The following STXBP5 variants were observed in gnomAD, a reference collection of about 807,000 sequenced individuals.
The protein encoded by STXBP5 is syntaxin binding protein 5.
In STXBP5, 50 loss-of-function variants were observed where a neutral mutation model predicts 152.4. That is an observed-to-expected ratio of 0.33 (90% CI 0.26 to 0.42). STXBP5 has a LOEUF of 0.42. STXBP5 is among the 10% of genes least tolerant of loss of function. The pLI is 1.00. For missense variants in STXBP5, 1,167 were observed against 1,388.6 expected (o/e 0.84, Z 2.54); for synonymous variants, 492 against 494.7 (o/e 0.99, Z 0.07).
chr6:147,331,978 G>A (rs1305005068), intron 18 of STXBP5, among the ~76,000 whole-genome samples: 1 of 152,116 alleles, frequency 6.6e-6, no homozygotes, highest in Non-Finnish European at 1.5e-5. Context: ...GCTGCTGTTA[G>A]GGTTAAATGA....
intron 9 of STXBP5, among the ~76,000 whole-genome samples, chr6:147,304,493 G>T (rs1781989850): frequency 6.6e-6 from 1 of 152,182 alleles, no homozygotes; most frequent in Non-Finnish European, 1.5e-5. Context: ...CTAGGGCAGT[G>T]TGGATGGGAA....
chr6:147,368,491 G>T (rs1315153215), intron 25 of STXBP5, among the ~76,000 whole-genome samples: 1 of 152,104 alleles, frequency 6.6e-6, no homozygotes, highest in Non-Finnish European at 1.5e-5. Flanking sequence ...TAAAGGACAT[G>T]TAAGAAAAAC....
rs576063483 is a variant in STXBP5 at position 147,304,073 on chromosome 6, C to T, written c.918-6011C>T. On this transcript the variant is annotated intron_variant, in intron 9 of 27. Transcript: ENST00000321680. ...AATTCAAACCTGCTGCAGAAATTAG[C>T]GTAAGTAATGAGGAGCTGAATGTTA... 7.2e-5 allele frequency among the ~76,000 whole-genome samples: 11 copies of T among 152,246 alleles called. No homozygotes were observed. The South Asian group carries it at 1.7e-3, about 23-fold the overall frequency.
At chr6:147,353,992 GA>G (rs1336931919) in intron 22 of STXBP5, among the ~76,000 whole-genome samples, 1 of 152,048 alleles carries the variant, frequency 6.6e-6, no homozygotes, top group East Asian at 1.9e-4. Context: ...ATAAAAGTAA[GA>G]TTTCATGTAA....
rs1025280015 is a variant in STXBP5, at chr6:147,211,036, G to C, written c.248+4968G>C. Among the ~76,000 whole-genome samples, 8 of 152,282 alleles carry C rather than the reference G, an allele frequency of 5.3e-5. No individual in the cohort carries two copies. The South Asian group carries it at 6.2e-4, about 12-fold the overall frequency. On this transcript the variant is annotated intron_variant, in intron 2 of 27. Coordinates refer to ENST00000321680, the MANE Select transcript of STXBP5 (RefSeq NM_001127715.4). Reference sequence around the variant, plus strand: ...TTTTTAAAATGGTTGTGTTCAGCCTGGCACAGAGGCTCACGCCTGTAATCC... The same window carrying C: ...TTTTTAAAATGGTTGTGTTCAGCCTCGCACAGAGGCTCACGCCTGTAATCC...
intron 27 of STXBP5, among the ~76,000 whole-genome samples, chr6:147,383,332 T>TA (rs1477771106): frequency 6.6e-6 from 1 of 152,142 alleles, no homozygotes; most frequent in African/African-American, 2.4e-5. Context: ...TACCACTTTG[T>TA]CCTAGAAAAA....
intron 18 of STXBP5, among the ~76,000 whole-genome samples, chr6:147,331,137 T>C (rs1311581521): frequency 6.6e-6 from 1 of 152,176 alleles, no homozygotes; most frequent in African/African-American, 2.4e-5. Flanking sequence ...TAGGATTATG[T>C]TTTGTTGAAT....
intron 1 of STXBP5, among the ~76,000 whole-genome samples, chr6:147,205,383 T>C (rs1212411185): frequency 2.0e-5 from 3 of 150,516 alleles, no homozygotes; most frequent in East Asian, 1.9e-4. Context: ...TATATATATA[T>C]ATATATATAT....
At chr6:147,273,198 A>AAAAAAAAAAAAAAG (rs2128338690) in intron 7 of STXBP5, among the ~76,000 whole-genome samples, 1 of 151,110 alleles carries the variant, frequency 6.6e-6, no homozygotes, top group East Asian at 2.0e-4. Context: ...AAAAAAGTAA[A>AAAAAAAAAAAAAAG]AAAAAAAAAA....
chr6:147,300,704 G>A (rs567193165), intron 9 of STXBP5, among the ~76,000 whole-genome samples: 9 of 152,040 alleles, frequency 5.9e-5, no homozygotes, highest in Non-Finnish European at 1.2e-4. Flanking sequence ...TGAAACTACT[G>A]GAAGAATACA....
chr6:147,249,253 TAA>T (rs112169490), intron 4 of STXBP5, among the ~76,000 whole-genome samples: 1 of 143,354 alleles, frequency 7.0e-6, no homozygotes, highest in Non-Finnish European at 1.5e-5. Context: ...ACAAAATCAG[TAA>T]AAAAAAAAAA....
At position 147,385,434 on chromosome 6, in the gene STXBP5, AC is replaced by A. The variant is rs1423475854; in HGVS notation, c.*680del. On this transcript the variant is annotated 3_prime_UTR_variant, in exon 28 of 28. Coordinates refer to ENST00000321680, the MANE Select transcript of STXBP5 (RefSeq NM_001127715.4). The stretch of plus-strand genomic sequence containing the variant: ...TTTGTCAAAAGCAAAACAAGAAGAT[AC>A]ATCACTTTTCATTGAAAAGAAAAGT... 2 of 152,154 alleles carry A rather than the reference AC, an allele frequency of 1.3e-5. No homozygotes were observed. Among genetic ancestry groups the A allele is most frequent in the Non-Finnish European group, 2.9e-5 (2 of 68,012 alleles). 9.4% of individuals were successfully genotyped at this position (152,154 alleles called of 1,614,324 possible).
chr6:147,365,210 T>C (rs1240860637), intron 25 of STXBP5, among the ~76,000 whole-genome samples: 1 of 152,130 alleles, frequency 6.6e-6, no homozygotes, highest in African/African-American at 2.4e-5. Flanking sequence ...ACTTTGAGAG[T>C]AAAACAAAAT....
At chr6:147,344,066 G>T (rs529632174) in intron 21 of STXBP5, among the ~76,000 whole-genome samples, 1 of 152,236 alleles carries the variant, frequency 6.6e-6, no homozygotes, top group African/African-American at 2.4e-5. Flanking sequence ...TATTATATGA[G>T]TCTGAGTACT....
chr6:147,277,424 T>TA (rs1335429985), intron 7 of STXBP5, among the ~76,000 whole-genome samples: 1 of 152,082 alleles, frequency 6.6e-6, no homozygotes, highest in Non-Finnish European at 1.5e-5. Context: ...AAGTTTTTTT[T>TA]ACATACCAAA....
intron 14 of STXBP5, 55 bp downstream of exon 14, chr6:147,314,691 T>A: frequency 7.5e-7 from 1 of 1,330,840 alleles, no homozygotes; most frequent in Non-Finnish European, 1.0e-6. Context: ...ACTGCTTTTA[T>A]GCATCCTGTT....
chr6:147,333,439 G>A (rs1356152203), intron 18 of STXBP5, among the ~76,000 whole-genome samples: 6 of 152,106 alleles, frequency 3.9e-5, no homozygotes, highest in Admixed American at 6.6e-5. Context: ...CAGGAGAATC[G>A]CTTGAACCCA....
intron 9 of STXBP5, among the ~76,000 whole-genome samples, chr6:147,302,317 G>C (rs952863723): frequency 6.6e-6 from 1 of 152,104 alleles, no homozygotes; most frequent in African/African-American, 2.4e-5. Flanking sequence ...AGGAGATTCT[G>C]AACAGGCACA....
At chr6:147,355,537 A>G (rs1166334866) in intron 22 of STXBP5, among the ~76,000 whole-genome samples, 1 of 152,154 alleles carries the variant, frequency 6.6e-6, no homozygotes, top group Non-Finnish European at 1.5e-5. Context: ...AATAATAACC[A>G]TAGCGTTCCA....
Sources: allele counts gnomAD v4.1 joint callset (sites outside exome capture counted in the v4.1 genomes callset), GRCh38; gene constraint gnomAD v4.1.1; transcripts MANE v1.5; gene names NCBI Gene and HGNC (gene_info 2026-07-23, HGNC 2026-07-21).